Variants in LARP4B observed in about 807,000 individuals in gnomAD.
LARP4B encodes the protein la-related protein 4B.
In LARP4B, 12 loss-of-function variants were observed where a neutral mutation model predicts 89.8. The observed-to-expected ratio is 0.13, with a 90% CI of 0.09 to 0.22. The LOEUF (loss-of-function observed/expected upper bound fraction) is 0.22. Among genes scored for constraint, LARP4B ranks in the 10% least tolerant of loss-of-function variants. LARP4B has a pLI of 1.00. For synonymous variants in LARP4B, 367 were observed against 363.3 expected (o/e 1.01, Z -0.12); for missense variants, 757 against 947.7 (o/e 0.80, Z 2.64).
chr10:844,095 C>T (rs773571772), intron 6 of LARP4B, among the ~76,000 whole-genome samples: 1 of 152,252 alleles, frequency 6.6e-6, no homozygotes, highest in African/African-American at 2.4e-5. Flanking sequence ...TCGGTGAAGG[C>T]CCATGACTGC....
the LARP4B span, among the ~76,000 whole-genome samples, chr10:977,114 G>T: frequency 6.6e-6 from 1 of 152,082 alleles, no homozygotes; most frequent in Non-Finnish European, 1.5e-5. Flanking sequence ...TCTACCATAA[G>T]GTATTTAAAT....
At chr10:871,436 G>GT (rs1326324924) in intron 3 of LARP4B, among the ~76,000 whole-genome samples, 1 of 152,020 alleles carries the variant, frequency 6.6e-6, no homozygotes, top group East Asian at 1.9e-4. Context: ...TTGGTCACAG[G>GT]TCTGTGTTGC....
downstream of LARP4B, chr10:809,193 A>C (rs1282166597): frequency 6.6e-6 from 1 of 152,226 alleles, no homozygotes; most frequent in Non-Finnish European, 1.5e-5. Flanking sequence ...TGAAGACCCA[A>C]CGTTAGCTCC....
chr10:987,882 A>G, the LARP4B span: 1 of 152,388 alleles, frequency 6.6e-6, no homozygotes, highest in Non-Finnish European at 1.5e-5. Context: ...AGCACGAGAA[A>G]GCAGGGCTGC....
At chr10:938,703 TG>T in the LARP4B span, among the ~76,000 whole-genome samples, 1 of 152,238 alleles carries the variant, frequency 6.6e-6, no homozygotes, top group Non-Finnish European at 1.5e-5. Flanking sequence ...TGTGTGTGTC[TG>T]TATGTATATG....
At chr10:842,802 G>T in intron 7 of LARP4B, 130 bp downstream of exon 7, 1 of 792,184 alleles carries the variant, frequency 1.3e-6, no homozygotes, top group Non-Finnish European at 2.0e-6. Context: ...GAAAGGAACG[G>T]AAGGCCAGAA....
intron 6 of LARP4B, among the ~76,000 whole-genome samples, chr10:843,699 C>CA (rs970295285): frequency 7.4e-5 from 11 of 148,882 alleles, no homozygotes; most frequent in South Asian, 2.1e-4. Flanking sequence ...AACTCTGACT[C>CA]AAAAAAAAAG....
At chr10:975,321 A>G in the LARP4B span, among the ~76,000 whole-genome samples, 1 of 152,162 alleles carries the variant, frequency 6.6e-6, no homozygotes. Context: ...CAATAGTGAC[A>G]TGTTGTTTTA....
chr10:828,001 C>T (rs1013213689), intron 11 of LARP4B, among the ~76,000 whole-genome samples: 7 of 152,204 alleles, frequency 4.6e-5, no homozygotes, highest in African/African-American at 1.7e-4. Context: ...TTGGGGTCCT[C>T]TGAAAATCTC....
intron 5 of LARP4B, among the ~76,000 whole-genome samples, chr10:859,772 T>C (rs1834498151): frequency 6.6e-6 from 1 of 151,440 alleles, no homozygotes; most frequent in Non-Finnish European, 1.5e-5. Flanking sequence ...AAGAAACCTA[T>C]CTAAGAAGGC....
the LARP4B span, among the ~76,000 whole-genome samples, chr10:957,610 A>C: frequency 7.2e-4 from 109 of 152,132 alleles, 1 homozygote; most frequent in Non-Finnish European, 1.3e-3. Context: ...ATGCTTTTTA[A>C]TATGTGATGG....
At chr10:931,965 A>ACGTCCGCCCCGCCCGCCCCGCCCGCCC (rs1564451812), upstream of LARP4B, among the ~76,000 whole-genome samples, 1 of 139,914 alleles carries the variant, frequency 7.1e-6, no homozygotes, top group East Asian at 2.1e-4. Context: ...CGCACGCCGC[A>ACGTCCGCCCCGCCCGCCCCGCCCGCCC]CGTCCGCCCC....
At chr10:912,048 T>A (rs1446176463) in intron 1 of LARP4B, among the ~76,000 whole-genome samples, 1 of 152,222 alleles carries the variant, frequency 6.6e-6, no homozygotes, top group Non-Finnish European at 1.5e-5. Flanking sequence ...ACTGGGCCAC[T>A]CACCAACCTT....
chr10:969,208 G>T, the LARP4B span, among the ~76,000 whole-genome samples: 2 of 152,138 alleles, frequency 1.3e-5, no homozygotes, highest in South Asian at 4.1e-4. Context: ...GGGAAAAAAT[G>T]GTTCCTTTTA....
chr10:889,811 G>A (rs1475017348), intron 1 of LARP4B, among the ~76,000 whole-genome samples: 3 of 152,026 alleles, frequency 2.0e-5, no homozygotes, highest in South Asian at 2.1e-4. Flanking sequence ...GTGTGGTGGC[G>A]GGTGCCTGTA....
At chr10:939,907 G>T in the LARP4B span, among the ~76,000 whole-genome samples, 1 of 152,174 alleles carries the variant, frequency 6.6e-6, no homozygotes, top group Non-Finnish European at 1.5e-5. Flanking sequence ...GCGCAGTGGT[G>T]TGATCTCAGC....
chr10:955,093 G>GACAGCTCCCATCCACCCTTCCCCAGT, the LARP4B span, among the ~76,000 whole-genome samples: 1 of 149,478 alleles, frequency 6.7e-6, no homozygotes, highest in South Asian at 2.2e-4. This position sits in a 1 kb window ranked among gnomAD's most constrained non-coding sequence, Gnocchi z 5.2. Flanking sequence ...CCTTCCCCAG[G>GACAGCTCCCATCCACCCTTCCCCAGT]ACAGCTCCCA....
At chr10:909,982 C>A (rs1331812383) in intron 1 of LARP4B, among the ~76,000 whole-genome samples, 1 of 152,062 alleles carries the variant, frequency 6.6e-6, no homozygotes, top group Non-Finnish European at 1.5e-5. Context: ...CAGCTTAGTG[C>A]AGTTGAGCTA....
At chr10:868,894 T>A (rs1309677289) in intron 3 of LARP4B, among the ~76,000 whole-genome samples, 1 of 152,254 alleles carries the variant, frequency 6.6e-6, no homozygotes. Flanking sequence ...AAATCATGAA[T>A]AAACCACTGG....
Sources: allele counts gnomAD v4.1 joint callset (sites outside exome capture counted in the v4.1 genomes callset), GRCh38; gene constraint gnomAD v4.1.1; non-coding constraint Gnocchi (gnomAD v3.1); transcripts MANE v1.5; gene names NCBI Gene and HGNC (gene_info 2026-07-23, HGNC 2026-07-21).